SPTA1: variants seen among roughly 807,000 people sequenced by gnomAD.
The protein encoded by SPTA1 is spectrin alpha, erythrocytic 1, also known as spectrin alpha chain, erythrocytic 1.
SPTA1 carries 177 observed loss-of-function variants against 324.7 expected under a neutral mutation model. The ratio of observed to expected loss-of-function variants is 0.55; its 90% CI spans 0.48 to 0.62. SPTA1 has a LOEUF of 0.62. SPTA1 is among the 20% of genes least tolerant of loss of function. The pLI is 0.00. For synonymous variants in SPTA1, 1,195 were observed against 1,041.3 expected, an observed-to-expected ratio of 1.15 and a Z score of -2.84; for missense variants, 3,162 against 2,883.6, an observed-to-expected ratio of 1.10 and a Z score of -2.21.
chr1:158,614,388 G>A, intron 48 of SPTA1, 82 bp from the exon 49 acceptor site: 2 of 985,148 alleles, frequency 2.0e-6, no homozygotes, highest in East Asian at 2.4e-5. Context: ...GAAGAGAGAG[G>A]AATTTTAATG....
chr1:158,620,232 A>G lies in SPTA1; in HGVS notation c.6355T>C (p.Tyr2119His), dbSNP rs775235093. The change falls in exon 44 of 52, where the codon TAT (tyrosine) becomes CAT (histidine). Residue 2119 changes from tyrosine (Y) to histidine (H), a missense_variant. Transcript: ENST00000643759. ...AGCACCTCCACTGTTAACCAGGTATAAGGGCTGGAAGGCACACCTAAGGCC... is the reference window on the plus strand; with the variant it reads ...AGCACCTCCACTGTTAACCAGGTATGAGGGCTGGAAGGCACACCTAAGGCC... ...IKALGVPSSPYTWLTVEVLER... is the reference protein window; with the variant it reads ...IKALGVPSSPHTWLTVEVLER... 3.1e-6 allele frequency: 5 copies of G among 1,614,020 alleles called. No homozygotes were observed. In the African/African-American group the frequency reaches 4.0e-5, roughly 13 times the overall value.
chr1:158,668,078 A>AG lies in SPTA1; in HGVS notation c.1834-17_1834-16insC. The AG allele has an allele frequency of 3.1e-6, 2 of 652,590 alleles. No individual in the cohort carries two copies. The highest frequency in any genetic ancestry group is 5.1e-5 in the Admixed American group (1 of 19,678). 40.4% of individuals were successfully genotyped at this position (652,590 alleles called of 1,614,324 possible). On this transcript the variant is annotated splice_polypyrimidine_tract_variant and intron_variant, in intron 14 of 51. Coordinates refer to ENST00000643759, the MANE Select transcript of SPTA1 (RefSeq NM_003126.4). ...TCTGTATGTCCTGAGATAAGATGAA[A>AG]AAAAAAAAAAAAACCATTACCTGAA...
chr1:158,640,146 C>A (rs1441867645), intron 33 of SPTA1, 139 bp from the exon 34 acceptor site: 1 of 1,035,798 alleles, frequency 9.7e-7, no homozygotes, highest in African/African-American at 1.6e-5. Flanking sequence ...ACATTTCAAA[C>A]CAGTTATACT....
intron 36 of SPTA1, 124 bp downstream of exon 36, chr1:158,637,909 A>G (rs1341542867): frequency 1.7e-6 from 2 of 1,160,084 alleles, no homozygotes; most frequent in Non-Finnish European, 2.6e-6. Flanking sequence ...AGCTGAGGCA[A>G]ACATGAAGTA....
chr1:158,632,127 A>C (rs898252750), intron 39 of SPTA1, among the ~76,000 whole-genome samples: 1 of 152,220 alleles, frequency 6.6e-6, no homozygotes, highest in Non-Finnish European at 1.5e-5. Context: ...AAAATAAGAA[A>C]GTTATGCAAC....
In SPTA1 at chr1:158,626,900, C is replaced by A. The variant is rs1439577169; in HGVS notation, c.5772G>T (p.Leu1924Phe). 3.1e-6 allele frequency: 5 copies of A among 1,613,922 alleles called. No homozygotes were observed. Among genetic ancestry groups the A allele is most frequent in the Non-Finnish European group, 4.2e-6 (5 of 1,179,850 alleles). Reference protein sequence around the residue: ...AKAIAAWKLQLEDDYAFQEFN... With the variant: ...AKAIAAWKLQFEDDYAFQEFN... ...ATTCCTGAAAGGCATAATCGTCTTC[C>A]AATTGCAACTTCCAAGCAGCTATTG... is the stretch of plus-strand genomic sequence containing the variant. The change falls in exon 41 of 52, where the codon TTG (leucine) becomes TTT (phenylalanine). Residue 1924 changes from leucine to phenylalanine, a missense_variant. By Grantham distance (22) the Leu-to-Phe change is conservative (BLOSUM62 0). Coordinates refer to ENST00000643759, the MANE Select transcript of SPTA1 (RefSeq NM_003126.4).
chr1:158,640,806 T>C (rs1355656824), intron 33 of SPTA1, among the ~76,000 whole-genome samples: 2 of 152,164 alleles, frequency 1.3e-5, no homozygotes, highest in Non-Finnish European at 2.9e-5. Context: ...TGGAAAAAAC[T>C]ACTTTAAAGT....
chr1:158,648,629 C>T lies in SPTA1; in HGVS notation c.3594G>A (p.Gln1198=), dbSNP rs1652178217. The T allele has an allele frequency of 6.2e-7, 1 of 1,613,766 alleles. No homozygotes were observed. The highest frequency in any genetic ancestry group is 8.5e-7 in the Non-Finnish European group (1 of 1,179,966). Residue 1198 remains glutamine (Q), a synonymous_variant, in exon 26 of 52, where the codon CAG becomes CAA. Coordinates refer to ENST00000643759, the MANE Select transcript of SPTA1 (RefSeq NM_003126.4). ...FHREADDTKE[Q]IEKKCQALSA... Reference sequence around the variant, plus strand: ...TGAGGGCCTGGCATTTCTTCTCAATCTGCTCCTTCGTGTCATCTGCTTCTC... The same window carrying T: ...TGAGGGCCTGGCATTTCTTCTCAATTTGCTCCTTCGTGTCATCTGCTTCTC...
In SPTA1 at chr1:158,615,266, G is replaced by C. The variant is rs948387366; in HGVS notation, c.6738C>G (p.Tyr2246Ter). Reference sequence around the variant, plus strand: ...TGTGTTGCATCCGCAACCCAAGCTGGTAGAGCTGGTCCCACTGCTGAGCCA... The same window carrying C: ...TGTGTTGCATCCGCAACCCAAGCTGCTAGAGCTGGTCCCACTGCTGAGCCA... ...IGLAQQWDQL[Y>*]QLGLRMQHNL... The change falls in exon 48 of 52, where the codon TAC becomes TAG. Residue 2246 changes from tyrosine (Y) to a stop codon, truncating the protein, a stop_gained. Coordinates refer to ENST00000643759, the MANE Select transcript of SPTA1 (RefSeq NM_003126.4). LOFTEE classifies it high-confidence loss of function. The C allele has an allele frequency of 6.2e-7, 1 of 1,613,894 alleles. No homozygotes were observed.
intron 50 of SPTA1, 112 bp from the exon 51 acceptor site, chr1:158,613,073 C>T: frequency 8.6e-7 from 1 of 1,169,196 alleles, no homozygotes; most frequent in East Asian, 2.5e-5. Flanking sequence ...CTCCAAGTGC[C>T]TCTTCCAACT....
chr1:158,635,770 T>G, intron 38 of SPTA1, 143 bp downstream of exon 38: 1 of 1,239,290 alleles, frequency 8.1e-7, no homozygotes, highest in Non-Finnish European at 1.2e-6. Flanking sequence ...TGTGGTAAAC[T>G]TGTCATTTGA....
At position 158,623,176 on chromosome 1, in the gene SPTA1, C is replaced by G; in HGVS notation, c.5927G>C (p.Ser1976Thr). 12 of 1,614,138 alleles carry G rather than the reference C, an allele frequency of 7.4e-6. No individual in the cohort carries two copies. Among genetic ancestry groups the G allele is most frequent in the Non-Finnish European group, 1.0e-5 (12 of 1,180,012 alleles). The change falls in exon 43 of 52, where the codon AGT becomes ACT. Residue 1976 changes from serine to threonine, a missense_variant. Coordinates refer to ENST00000643759, the MANE Select transcript of SPTA1 (RefSeq NM_003126.4). ...LLAKQDTLDA[S>T]LQSFQQERLP... ...TCTCTCTTGCTGGAAACTCTGCAGACTGGCATCCAGAGTGTCCTGAGAAAG... is the reference window on the plus strand; with the variant it reads ...TCTCTCTTGCTGGAAACTCTGCAGAGTGGCATCCAGAGTGTCCTGAGAAAG...
In SPTA1 at chr1:158,612,837, T is replaced by TA; in HGVS notation, c.7113dup (p.Thr2372TyrfsTer37). ...CGGACCTGCTTCATGTCTTCTTTGG[T>TA]AATATATGACTTGCCCTCTGCCAGG... is the stretch of plus-strand genomic sequence containing the variant. On this transcript the variant is annotated frameshift_variant, in exon 51 of 52. Transcript: ENST00000643759. LOFTEE classifies it high-confidence loss of function. 6.2e-7 allele frequency: 1 copy of TA among 1,613,908 alleles called. No individual in the cohort carries two copies. Among genetic ancestry groups the TA allele is most frequent in the Non-Finnish European group, 8.5e-7 (1 of 1,179,846 alleles).
rs768854133 is a variant in SPTA1 at position 158,623,032 on chromosome 1, G to A, written c.6071C>T (p.Ser2024Leu). 41 of 1,613,988 alleles carry A rather than the reference G, an allele frequency of 2.5e-5. No homozygotes were observed. The highest frequency in any genetic ancestry group is 2.5e-4 in the East Asian group (11 of 44,896). The change falls in exon 43 of 52, where the codon TCG becomes TTG. Residue 2024 changes from serine (S) to leucine (L), a missense_variant. Coordinates refer to ENST00000643759, the MANE Select transcript of SPTA1 (RefSeq NM_003126.4). Reference sequence around the variant, plus strand: ...CAGCAATTTCTGTCTGTGGACTGCCGAGGCTTCCAGCAACTGTTCCCAGCG... The same window carrying A: ...CAGCAATTTCTGTCTGTGGACTGCCAAGGCTTCCAGCAACTGTTCCCAGCG... ...LKRWEQLLEASAVHRQKLLEK... is the reference protein window; with the variant it reads ...LKRWEQLLEALAVHRQKLLEK...
At position 158,652,578 on chromosome 1, in the gene SPTA1, G is replaced by A; in HGVS notation, c.3264C>T (p.Ala1088=). 1 of 1,614,032 alleles carries A rather than the reference G, an allele frequency of 6.2e-7. No homozygotes were observed. Among genetic ancestry groups the A allele is most frequent in the Non-Finnish European group, 8.5e-7 (1 of 1,180,022 alleles). Residue 1088 remains alanine, a synonymous_variant, in exon 23 of 52, where the codon GCC becomes GCT. Transcript: ENST00000643759. The stretch of plus-strand genomic sequence containing the variant: ...ATTCCAGCATGTCTCCTGCCTCATA[G>A]GCCAATAAAAATTCATTATAACGTT... ...LLQRYNEFLL[A]YEAGDMLEWI...
At chr1:158,642,735 T>G in intron 32 of SPTA1, 79 bp downstream of exon 32, 1 of 1,608,622 alleles carries the variant, frequency 6.2e-7, no homozygotes, top group Non-Finnish European at 8.5e-7. Context: ...CAGAAAGTGT[T>G]AAAGTATCAA....
intron 38 of SPTA1, among the ~76,000 whole-genome samples, chr1:158,635,136 T>C (rs896413944): frequency 2.6e-5 from 4 of 152,152 alleles, no homozygotes; most frequent in Non-Finnish European, 5.9e-5. Context: ...ATATGTGTGA[T>C]ATGGTTTGGC....
chr1:158,643,596 G>A (rs991326221), intron 30 of SPTA1, among the ~76,000 whole-genome samples, 171 bp from the exon 31 acceptor site: 2 of 152,148 alleles, frequency 1.3e-5, no homozygotes, highest in Non-Finnish European at 2.9e-5. Context: ...AATAGGAGGA[G>A]AAACATCTAA....
rs752386871 is a variant in SPTA1, at chr1:158,638,021, G to A, written c.5189+12C>T. ...TGTATTATCCACACATTTTTGAGCT[G>A]GTGGCACATACTCTATCCAGGATTC... is the stretch of plus-strand genomic sequence containing the variant. On this transcript the variant is annotated intron_variant, in intron 36 of 51. Transcript: ENST00000643759. 1.9e-6 allele frequency: 3 copies of A among 1,612,846 alleles called. No individual in the cohort carries two copies. Among genetic ancestry groups the A allele is most frequent in the Non-Finnish European group, 1.7e-6 (2 of 1,179,472 alleles).
Sources: gnomAD v4.1 joint callset for allele counts (sites outside exome capture counted in the v4.1 genomes callset) on GRCh38, gnomAD v4.1.1 for gene constraint, MANE v1.5 for transcripts, NCBI Gene and HGNC (gene_info 2026-07-23, HGNC 2026-07-21) for gene names.